The following DRC3 variants were observed in gnomAD, a reference collection of about 807,000 sequenced individuals.
DRC3 encodes dynein regulatory complex subunit 3.
Under a neutral mutation model 57.6 loss-of-function variants are expected in DRC3, and 45 were observed. That is an observed-to-expected ratio of 0.78 (90% CI 0.62 to 1.00). DRC3 has a LOEUF of 1.00. DRC3 is among the 50% of genes least tolerant of loss of function. DRC3 has a pLI of 0.00. For missense variants in DRC3, 655 were observed against 675.2 expected (o/e 0.97, Z 0.33); for synonymous variants, 257 against 272.3 (o/e 0.94, Z 0.55).
chr17:17,988,276 G>GC, intron 5 of DRC3, 178 bp downstream of exon 5: 2 of 655,244 alleles, frequency 3.1e-6, no homozygotes, highest in East Asian at 6.3e-5. Context: ...TAAATACCAT[G>GC]CTTACCCAAC....
chr17:18,000,212 GCATAGCA>G, intron 9 of DRC3, among the ~76,000 whole-genome samples: 1 of 145,414 alleles, frequency 6.9e-6, no homozygotes, highest in African/African-American at 2.6e-5. Flanking sequence ...GTGTGTGTGT[GCATAGCA>G]TGCCGTTCTG....
At chr17:17,986,287 A>G (rs1252549680) in intron 4 of DRC3, among the ~76,000 whole-genome samples, 1 of 152,164 alleles carries the variant, frequency 6.6e-6, no homozygotes, top group Non-Finnish European at 1.5e-5. Flanking sequence ...CAGTTTCCTC[A>G]TCTATAAAAT....
rs1188722313 is a variant in DRC3 at position 18,002,349 on chromosome 17, A to G, written c.1000-2014A>G. The stretch of plus-strand genomic sequence containing the variant: ...CCCCCTTCAATCATGCTGTTACTCC[A>G]TCCTCCTTCATGACTAATACCAGGC... On this transcript the variant is annotated intron_variant, in intron 9 of 13. Coordinates refer to ENST00000399187, the MANE Select transcript of DRC3 (RefSeq NM_031294.4). 2.0e-5 allele frequency among the ~76,000 whole-genome samples: 3 copies of G among 152,112 alleles called. No homozygotes were observed. In the East Asian group the frequency reaches 5.8e-4, roughly 29 times the overall value.
intron 3 of DRC3, among the ~76,000 whole-genome samples, chr17:17,978,231 C>T (rs2042481839): frequency 6.6e-6 from 1 of 152,158 alleles, no homozygotes; most frequent in African/African-American, 2.4e-5. Flanking sequence ...AGCACAGGCC[C>T]TTGAGGCAGG....
intron 9 of DRC3, among the ~76,000 whole-genome samples, chr17:18,002,506 AG>A (rs2043777985): frequency 6.6e-6 from 1 of 152,162 alleles, no homozygotes; most frequent in African/African-American, 2.4e-5. Flanking sequence ...CTCATTCCAA[AG>A]GGCTCAGCAT....
chr17:18,009,788 G>A (rs974472496), intron 12 of DRC3, among the ~76,000 whole-genome samples: 9 of 152,206 alleles, frequency 5.9e-5, no homozygotes, highest in Non-Finnish European at 1.3e-4. Context: ...ACCCTGATGA[G>A]GTTATCTCTA....
At chr17:17,990,172 G>A (rs1568483579) in intron 5 of DRC3, among the ~76,000 whole-genome samples, 1 of 152,150 alleles carries the variant, frequency 6.6e-6, no homozygotes, top group South Asian at 2.1e-4. Context: ...AGCCCCCTCA[G>A]GGTCTACACT....
chr17:17,975,937 G>A (rs1487583249), intron 2 of DRC3, among the ~76,000 whole-genome samples: 2 of 152,202 alleles, frequency 1.3e-5, no homozygotes, highest in African/African-American at 4.8e-5. Flanking sequence ...GGATGGTCAG[G>A]GAGGCAAGAG....
intron 4 of DRC3, among the ~76,000 whole-genome samples, chr17:17,984,746 T>C (rs557417176): frequency 1.3e-5 from 2 of 152,288 alleles, no homozygotes; most frequent in African/African-American, 2.4e-5. Context: ...CCCCCACGCC[T>C]GTCTGACCTC....
In DRC3 at chr17:18,016,073, G is replaced by T; in HGVS notation, c.1336G>T (p.Asp446Tyr). 1 of 1,613,380 alleles carries T rather than the reference G, an allele frequency of 6.2e-7. No individual in the cohort carries two copies. Among genetic ancestry groups the T allele is most frequent in the Non-Finnish European group, 8.5e-7 (1 of 1,179,448 alleles). The change falls in exon 13 of 14, where the codon GAT becomes TAT. Residue 446 changes from aspartate to tyrosine, a missense_variant. By Grantham distance (160) the Asp-to-Tyr change is radical. Coordinates refer to ENST00000399187, the MANE Select transcript of DRC3 (RefSeq NM_031294.4). ...TCTTTTCACTCACCAGCTTTTTGTCGATAAAGATACGATTGTTAATGCTGT... is the reference window on the plus strand; with the variant it reads ...TCTTTTCACTCACCAGCTTTTTGTCTATAAAGATACGATTGTTAATGCTGT... ...LPNDLRALFV[D>Y]KDTIVNAVGA...
At chr17:17,993,305 G>A (rs569244932) in intron 6 of DRC3, 5 of 172,108 alleles carry the variant, frequency 2.9e-5, no homozygotes, top group Middle Eastern at 2.8e-3. Context: ...GGGCAACATA[G>A]GGAGACCCCA....
chr17:18,010,376 C>T (rs2044125897), intron 12 of DRC3, among the ~76,000 whole-genome samples: 2 of 152,262 alleles, frequency 1.3e-5, no homozygotes. Context: ...GTTGCCTTCT[C>T]AAAAGTCACT....
chr17:17,995,065 G>A lies in DRC3; in HGVS notation c.778G>A (p.Gly260Ser), dbSNP rs111309590. 1.3e-4 allele frequency: 213 copies of A among 1,613,920 alleles called. 1 individual carries two copies. The African/African-American group carries it at 2.4e-3, about 18-fold the overall frequency. The change falls in exon 8 of 14, where the codon GGC (glycine) becomes AGC (serine). Residue 260 changes from glycine (G) to serine (S), a missense_variant. Gly to Ser is a moderately conservative substitution (Grantham distance 56). Coordinates refer to ENST00000399187, the MANE Select transcript of DRC3 (RefSeq NM_031294.4). Reference protein sequence around the residue: ...FDSMYAEDSEGNNLSYLPGVG... With the variant: ...FDSMYAEDSESNNLSYLPGVG... ...CAGCATGTACGCTGAGGACTCAGAG[G>A]GCAACAATCTGTCCTACCTGCCTGG...
intron 9 of DRC3, among the ~76,000 whole-genome samples, chr17:17,998,520 C>CA (rs1026554097): frequency 2.6e-4 from 40 of 152,190 alleles, no homozygotes; most frequent in African/African-American, 8.7e-4. Flanking sequence ...ACTGTTCACA[C>CA]ACACCAAGCT....
intron 12 of DRC3, among the ~76,000 whole-genome samples, chr17:18,014,902 CT>C (rs2044300804): frequency 6.6e-6 from 1 of 152,190 alleles, no homozygotes; most frequent in South Asian, 2.1e-4. Flanking sequence ...ACATTTCTCC[CT>C]TGTGACTGTG....
chr17:18,010,837 G>T, intron 12 of DRC3: 1 of 363,866 alleles, frequency 2.7e-6, no homozygotes, highest in South Asian at 2.2e-5. Context: ...CCTGGTCAAG[G>T]ACATGAAGAT....
chr17:18,010,436 C>T (rs1488158557), intron 12 of DRC3, among the ~76,000 whole-genome samples: 1 of 152,128 alleles, frequency 6.6e-6, no homozygotes, highest in Non-Finnish European at 1.5e-5. Flanking sequence ...CCCATCAAAA[C>T]ACCAATGACA....
At chr17:18,015,353 G>A (rs1597657028) in intron 12 of DRC3, 1 of 152,334 alleles carries the variant, frequency 6.6e-6, no homozygotes, top group Non-Finnish European at 1.5e-5. Context: ...TCTGCTTCAA[G>A]GTGGAAGCAA....
At chr17:17,985,530 A>G (rs1454646238) in intron 4 of DRC3, among the ~76,000 whole-genome samples, 1 of 152,166 alleles carries the variant, frequency 6.6e-6, no homozygotes, top group Non-Finnish European at 1.5e-5. Flanking sequence ...TGGCACTCCC[A>G]TGGTTCAGCA....
Sources: gnomAD v4.1 joint callset for allele counts (sites outside exome capture counted in the v4.1 genomes callset) on GRCh38, gnomAD v4.1.1 for gene constraint, MANE v1.5 for transcripts, NCBI Gene and HGNC (gene_info 2026-07-23, HGNC 2026-07-21) for gene names.